The following LPCAT1 variants were observed in gnomAD, a reference collection of about 807,000 sequenced individuals.
LPCAT1 encodes the protein lysophosphatidylcholine acyltransferase 1.
Under a neutral mutation model 60.9 loss-of-function variants are expected in LPCAT1, and 23 were observed. The ratio of observed to expected loss-of-function variants is 0.38; its 90% CI spans 0.27 to 0.53. LPCAT1 has a LOEUF of 0.53. LPCAT1 is among the 20% of genes least tolerant of loss of function. The probability of loss-of-function intolerance (pLI) is 0.82; values close to 1 mark genes in which losing one functional copy is unlikely to be tolerated. For missense variants in LPCAT1, 622 were observed against 723.6 expected (o/e 0.86, Z 1.61); for synonymous variants, 340 against 301.1 (o/e 1.13, Z -1.34).
intron 2 of LPCAT1, among the ~76,000 whole-genome samples, chr5:1,498,265 C>T (rs1472460079): frequency 1.3e-5 from 2 of 152,174 alleles, no homozygotes; most frequent in South Asian, 2.1e-4. Flanking sequence ...AACTACGGTG[C>T]TTTTGTGACT....
intron 5 of LPCAT1, among the ~76,000 whole-genome samples, chr5:1,484,346 G>A (rs2126534854): frequency 6.6e-6 from 1 of 152,402 alleles, no homozygotes; most frequent in African/African-American, 2.4e-5. Context: ...GGACTCTGTG[G>A]ATGATTGTTT....
Position 1,480,604 on chromosome 5 carries a change from G to A in LPCAT1, c.761+338C>T, listed in dbSNP as rs1735100467. ...CTCAGTCTCTGTGCCTGTGCAGACG[G>A]GGTCCCCCCAGACACCCCTAAATCT... On this transcript the variant is annotated intron_variant, in intron 7 of 13. Transcript: ENST00000283415. This position sits in a 1 kb window ranked among gnomAD's most constrained non-coding sequence, Gnocchi z 6.4. Among the ~76,000 whole-genome samples, 1 of 152,066 alleles carries A rather than the reference G, an allele frequency of 6.6e-6. No homozygotes were observed. Among genetic ancestry groups the A allele is most frequent in the African/African-American group, 2.4e-5 (1 of 41,406 alleles).
chr5:1,495,876 C>T lies in LPCAT1; in HGVS notation c.279-962G>A, dbSNP rs1039822844. Among the ~76,000 whole-genome samples the T allele has an allele frequency of 1.2e-4, 19 of 152,304 alleles. No homozygotes were observed. The highest frequency in any genetic ancestry group is 3.9e-4 in the Admixed American group (6 of 15,308). ...GGGTCCCCATGGATCTGAGCCAAGG[C>T]GGTTGCTAGGAGGGCACAAAGCCTC... On this transcript the variant is annotated intron_variant, in intron 2 of 13. Coordinates refer to ENST00000283415, the MANE Select transcript of LPCAT1 (RefSeq NM_024830.5). This position sits in a 1 kb window ranked among gnomAD's most constrained non-coding sequence, Gnocchi z 4.7.
chr5:1,512,428 C>A (rs1041637166), intron 1 of LPCAT1, among the ~76,000 whole-genome samples: 3 of 152,256 alleles, frequency 2.0e-5, no homozygotes, highest in Non-Finnish European at 2.9e-5. Flanking sequence ...CACCCAGTGT[C>A]CATGCTTCCC....
chr5:1,506,752 T>C (rs1224630158), intron 1 of LPCAT1, among the ~76,000 whole-genome samples: 3 of 152,230 alleles, frequency 2.0e-5, no homozygotes, highest in Admixed American at 6.5e-5. Flanking sequence ...GCAGCGTCGC[T>C]GGAGACTCAG....
chr5:1,502,786 G>A lies in LPCAT1; in HGVS notation c.136-1183C>T, dbSNP rs535282388. On this transcript the variant is annotated intron_variant, in intron 1 of 13. Coordinates refer to ENST00000283415, the MANE Select transcript of LPCAT1 (RefSeq NM_024830.5). This position sits in a 1 kb window ranked among gnomAD's most constrained non-coding sequence, Gnocchi z 5.5. ...AATTTCTGATGCCTGTCATGAGAGC[G>A]CTCCCACTCTGTTTCCTTGGTTTGT... Among the ~76,000 whole-genome samples, 1 of 152,146 alleles carries A rather than the reference G, an allele frequency of 6.6e-6. No homozygotes were observed. The highest frequency in any genetic ancestry group is 1.9e-4 in the East Asian group (1 of 5,186).
chr5:1,506,355 C>T lies in LPCAT1; in HGVS notation c.136-4752G>A, dbSNP rs552478484. On this transcript the variant is annotated intron_variant, in intron 1 of 13. Transcript: ENST00000283415. Reference sequence around the variant, plus strand: ...CGCCCACAGGAGCCGGGAGCCCTCACCAAGGAGAACAGGACTTGGGTGACT... The same window carrying T: ...CGCCCACAGGAGCCGGGAGCCCTCATCAAGGAGAACAGGACTTGGGTGACT... Among the ~76,000 whole-genome samples, 173 of 152,338 alleles carry T rather than the reference C, an allele frequency of 1.1e-3. 1 individual carries two copies. Among genetic ancestry groups the T allele is most frequent in the Non-Finnish European group, 2.9e-4 (20 of 68,028 alleles).
intron 3 of LPCAT1, among the ~76,000 whole-genome samples, chr5:1,491,103 T>TC (rs1421686702): frequency 2.0e-5 from 3 of 151,818 alleles, no homozygotes; most frequent in Non-Finnish European, 4.4e-5. Flanking sequence ...CCTGTGGTTG[T>TC]CTGTTGGGTC....
chr5:1,512,381 G>A (rs920633190), intron 1 of LPCAT1, among the ~76,000 whole-genome samples: 3 of 152,226 alleles, frequency 2.0e-5, no homozygotes, highest in Admixed American at 6.5e-5. Context: ...CCCAAGAGCA[G>A]TCCCACACTA....
At chr5:1,471,626 A>C (rs945598080) in intron 11 of LPCAT1, among the ~76,000 whole-genome samples, 1 of 150,550 alleles carries the variant, frequency 6.6e-6, no homozygotes, top group African/African-American at 2.5e-5. Context: ...GCAGGAGATG[A>C]AGGGCAACCA....
intron 2 of LPCAT1, among the ~76,000 whole-genome samples, chr5:1,497,005 C>T (rs184188909): frequency 3.3e-4 from 50 of 152,282 alleles, no homozygotes; most frequent in African/African-American, 5.8e-4. Context: ...CGCCCTCACA[C>T]GGACGACACC....
intron 1 of LPCAT1, among the ~76,000 whole-genome samples, chr5:1,505,680 G>T (rs1404343479): frequency 6.6e-6 from 1 of 152,154 alleles, no homozygotes; most frequent in African/African-American, 2.4e-5. Context: ...CTGCTCCTGC[G>T]CACATAGGGA....
intron 1 of LPCAT1, among the ~76,000 whole-genome samples, chr5:1,515,768 T>A (rs7725319): frequency 0.12 from 17,658 of 151,748 alleles, 1,237 homozygotes; most frequent in Middle Eastern, 0.23. Context: ...TCACCCCCAC[T>A]CCCCCGAGCT....
chr5:1,487,511 G>C lies in LPCAT1; in HGVS notation c.667+880C>G, dbSNP rs1417682073. ...CTGAGCTGGAGGAGGATGGCCACAG[G>C]CTCGGAAACCCCGGCGGCACACGTA... On this transcript the variant is annotated intron_variant, in intron 5 of 13. Transcript: ENST00000283415. The surrounding 1 kb of genome is among the most constrained non-coding windows in gnomAD (Gnocchi z 6.1). 1.3e-5 allele frequency among the ~76,000 whole-genome samples: 2 copies of C among 152,150 alleles called. No individual in the cohort carries two copies. The highest frequency in any genetic ancestry group is 4.8e-5 in the African/African-American group (2 of 41,426).
intron 10 of LPCAT1, 34 bp downstream of exon 10, chr5:1,474,526 G>C (rs771127695): frequency 4.3e-6 from 7 of 1,611,522 alleles, no homozygotes; most frequent in Admixed American, 3.3e-5. Context: ...ACGGGTTCTA[G>C]CTAATGCTCA....
intron 3 of LPCAT1, among the ~76,000 whole-genome samples, chr5:1,490,558 C>A (rs1735539072): frequency 6.6e-6 from 1 of 152,218 alleles, no homozygotes; most frequent in Admixed American, 6.5e-5. Context: ...TTTGTTCTGG[C>A]ACTTCTGCTT....
At chr5:1,470,968 C>T in intron 11 of LPCAT1, 44 bp from the exon 12 acceptor site, 2 of 1,564,796 alleles carry the variant, frequency 1.3e-6, no homozygotes, top group Non-Finnish European at 8.8e-7. Context: ...CCGCCTTCGG[C>T]ACTGGAGAAA....
In LPCAT1 at chr5:1,501,452, G is replaced by GC; in HGVS notation, c.278+8dup. ...CCCAGGAGGAGAGCACGGCACACGC[G>GC]CAACTTACTTCCTCCACAGGGCCGG... On this transcript the variant is annotated intron_variant, in intron 2 of 13. Transcript: ENST00000283415. 1.2e-6 allele frequency: 2 copies of GC among 1,605,674 alleles called. No individual in the cohort carries two copies. Among genetic ancestry groups the GC allele is most frequent in the African/African-American group, 2.7e-5 (2 of 74,892 alleles).
At chr5:1,511,609 C>G (rs1017427115) in intron 1 of LPCAT1, among the ~76,000 whole-genome samples, 1 of 152,210 alleles carries the variant, frequency 6.6e-6, no homozygotes, top group Non-Finnish European at 1.5e-5. Context: ...TCACCTTGCT[C>G]ACCTTACGTG....
Sources: allele counts gnomAD v4.1 joint callset (sites outside exome capture counted in the v4.1 genomes callset), GRCh38; gene constraint gnomAD v4.1.1; non-coding constraint Gnocchi (gnomAD v3.1); transcripts MANE v1.5; gene names NCBI Gene and HGNC (gene_info 2026-07-23, HGNC 2026-07-21).